The following DCHS2 variants were observed in gnomAD, a reference collection of about 807,000 sequenced individuals.
DCHS2 encodes dachsous cadherin-related 2.
A neutral mutation model predicts 182.4 loss-of-function variants in DCHS2; 142 were observed. That is an observed-to-expected ratio of 0.78 (90% CI 0.68 to 0.89). The LOEUF is 0.89. DCHS2 is among the 40% of genes least tolerant of loss of function. DCHS2 has a pLI of 0.00. For missense variants in DCHS2, 4,319 were observed against 4,198.6 expected, an observed-to-expected ratio of 1.03 and a Z score of -0.79; for synonymous variants, 1,740 against 1,663.3, an observed-to-expected ratio of 1.05 and a Z score of -1.12.
chr4:154,272,723 T>C (rs1193382656), intron 13 of DCHS2, among the ~76,000 whole-genome samples: 6 of 152,146 alleles, frequency 3.9e-5, no homozygotes, highest in African/African-American at 1.4e-4. Context: ...CAGTCACAGG[T>C]AGTATCTTTA....
intron 13 of DCHS2, among the ~76,000 whole-genome samples, chr4:154,293,462 G>A (rs1265759822): frequency 6.6e-6 from 1 of 152,130 alleles, no homozygotes; most frequent in African/African-American, 2.4e-5. Flanking sequence ...GATTACAGGC[G>A]TGAACCACTG....
At chr4:154,274,835 A>G (rs190514483) in intron 13 of DCHS2, among the ~76,000 whole-genome samples, 132 of 152,178 alleles carry the variant, frequency 8.7e-4, no homozygotes, top group African/African-American at 2.9e-3. Flanking sequence ...TTTTTTTTCA[A>G]ATAACTCACT....
intron 13 of DCHS2, among the ~76,000 whole-genome samples, chr4:154,279,419 T>C (rs1734018532): frequency 6.6e-6 from 1 of 152,020 alleles, no homozygotes; most frequent in Non-Finnish European, 1.5e-5. Context: ...AAATATTTCA[T>C]ACAAATGCTA....
intron 3 of DCHS2, among the ~76,000 whole-genome samples, chr4:154,361,766 C>A (rs77338040): frequency 0.044 from 6,720 of 151,964 alleles, 189 homozygotes; most frequent in Non-Finnish European, 0.068. Flanking sequence ...TAGTTTTCTC[C>A]AAAACATTTT....
At chr4:154,272,627 C>A (rs1289645918) in intron 13 of DCHS2, among the ~76,000 whole-genome samples, 2 of 152,134 alleles carry the variant, frequency 1.3e-5, no homozygotes, top group Non-Finnish European at 2.9e-5. Flanking sequence ...GCCTCCACCC[C>A]TTCCACCATG....
intron 1 of DCHS2, among the ~76,000 whole-genome samples, chr4:154,466,530 A>C (rs1206875033): frequency 6.6e-6 from 1 of 152,202 alleles, no homozygotes; most frequent in Non-Finnish European, 1.5e-5. Context: ...CTTGCTGAAA[A>C]TGCAACCCTG....
rs138652483 is a variant in DCHS2, at chr4:154,237,107, A to AGTT, written c.7542_7544dup (p.Thr2515dup). 3.7e-3 allele frequency: 6,016 copies of AGTT among 1,613,682 alleles called. 143 individuals carry two copies. In the African/African-American group the frequency reaches 0.065, roughly 17 times the overall value. On this transcript the variant is annotated inframe_insertion, in exon 20 of 20. Coordinates refer to ENST00000357232, the MANE Select transcript of DCHS2 (RefSeq NM_001358235.2). The stretch of plus-strand genomic sequence containing the variant: ...CATCACTGGCTTCCACAAGAAATTG[A>AGTT]GTTGTTGATATTGTATCCAGAAGTA...
chr4:154,236,788 T>G lies in DCHS2; in HGVS notation c.7864A>C (p.Ser2622Arg). Reference protein sequence around the residue: ...KQVGYLVLLHSLDREASASHE... With the variant: ...KQVGYLVLLHRLDREASASHE... ...CTAGCACTTGCTTCTCTGTCCAGAC[T>G]GTGAAGCAACACAAGATAACCGACT... The change falls in exon 20 of 20, where the codon AGT (serine) becomes CGT (arginine). Residue 2622 changes from serine to arginine, a missense_variant. By Grantham distance (110) the Ser-to-Arg change is moderately radical (BLOSUM62 -1). Transcript: ENST00000357232. 1 of 1,614,036 alleles carries G rather than the reference T, an allele frequency of 6.2e-7. No individual in the cohort carries two copies. The highest frequency in any genetic ancestry group is 8.5e-7 in the Non-Finnish European group (1 of 1,179,962).
intron 7 of DCHS2, among the ~76,000 whole-genome samples, chr4:154,323,867 A>T (rs1188960787): frequency 7.1e-6 from 1 of 140,512 alleles, no homozygotes; most frequent in Non-Finnish European, 1.6e-5. Flanking sequence ...CCCAAAAAAA[A>T]CCCACCAAAA....
intron 1 of DCHS2, among the ~76,000 whole-genome samples, chr4:154,379,201 C>T (rs17031538): frequency 0.017 from 2,562 of 152,274 alleles, 87 homozygotes; most frequent in African/African-American, 0.059. Context: ...GCAGCTATTT[C>T]TTTGGTTCAC....
chr4:154,430,884 G>A (rs956241560), intron 1 of DCHS2, among the ~76,000 whole-genome samples: 4 of 152,128 alleles, frequency 2.6e-5, no homozygotes, highest in South Asian at 4.1e-4. Flanking sequence ...GTGTCCACAC[G>A]TGCAAGTGCT....
At chr4:154,285,891 C>T (rs1734372530) in intron 13 of DCHS2, among the ~76,000 whole-genome samples, 1 of 152,110 alleles carries the variant, frequency 6.6e-6, no homozygotes, top group Non-Finnish European at 1.5e-5. Context: ...GGTAGCAAGG[C>T]AGTGGTTACT....
intron 1 of DCHS2, among the ~76,000 whole-genome samples, chr4:154,396,140 A>G (rs950158207): frequency 1.3e-5 from 2 of 151,564 alleles, no homozygotes; most frequent in Admixed American, 6.6e-5. Context: ...GAAGATTTGA[A>G]CTCTTTCTTA....
intron 3 of DCHS2, among the ~76,000 whole-genome samples, chr4:154,341,125 C>T (rs1029969056): frequency 1.3e-5 from 2 of 152,014 alleles, no homozygotes; most frequent in East Asian, 3.9e-4. Flanking sequence ...TCCCAGCACT[C>T]TGGGAGGCCG....
At chr4:154,346,887 TG>T (rs1417095984) in intron 3 of DCHS2, among the ~76,000 whole-genome samples, 1 of 151,928 alleles carries the variant, frequency 6.6e-6, no homozygotes, top group Non-Finnish European at 1.5e-5. Context: ...GTCACAAAAC[TG>T]GACATTTAAA....
In DCHS2 at chr4:154,464,189, A is replaced by G. The variant is rs569508877; in HGVS notation, c.2052+25115T>C. 1.5e-4 allele frequency among the ~76,000 whole-genome samples: 23 copies of G among 152,314 alleles called. No homozygotes were observed. The South Asian group carries it at 4.2e-3, about 27-fold the overall frequency. ...TAGATAGAGGGGACACTGAATTCCT[A>G]TAGAATTCAATAAACAGCCATACTG... On this transcript the variant is annotated intron_variant, in intron 1 of 19. Transcript: ENST00000357232.
chr4:154,357,609 G>A (rs191184481), intron 3 of DCHS2, among the ~76,000 whole-genome samples: 1 of 152,208 alleles, frequency 6.6e-6, no homozygotes, highest in Admixed American at 6.5e-5. Context: ...CTCCTTTCTT[G>A]CTGACCTGCC....
intron 8 of DCHS2, 33 bp downstream of exon 8, chr4:154,322,298 A>G (rs1736090119): frequency 1.2e-6 from 2 of 1,610,764 alleles, no homozygotes; most frequent in Non-Finnish European, 1.7e-6. Context: ...AAATCTTTAG[A>G]TGTCCTTCCA....
rs1366750289 is a variant in DCHS2, at chr4:154,334,866, ACT to A, written c.2713_2713+1del. The A allele has an allele frequency of 6.2e-7, 1 of 1,601,936 alleles. No individual in the cohort carries two copies. The highest frequency in any genetic ancestry group is 2.2e-5 in the East Asian group (1 of 44,804). The stretch of plus-strand genomic sequence containing the variant: ...CATGCAGCATAAGAAATAAGTACTT[ACT>A]CAAGGGCTCTCTTGCTTTCACTGTT... On this transcript the variant is annotated splice_donor_variant and coding_sequence_variant, in exon 4 of 20. Transcript: ENST00000357232. LOFTEE classifies it high-confidence loss of function.
Sources: gnomAD v4.1 joint callset for allele counts (sites outside exome capture counted in the v4.1 genomes callset) on GRCh38, gnomAD v4.1.1 for gene constraint, MANE v1.5 for transcripts, NCBI Gene and HGNC (gene_info 2026-07-23, HGNC 2026-07-21) for gene names.